SCHIP1: variants seen among roughly 807,000 people sequenced by gnomAD.
SCHIP1 encodes schwannomin-interacting protein 1.
Under a neutral mutation model 29.7 loss-of-function variants are expected in SCHIP1, and 8 were observed. The ratio of observed to expected loss-of-function variants is 0.27; its 90% CI spans 0.16 to 0.49. SCHIP1 has a LOEUF of 0.49. Ranked by LOEUF, SCHIP1 falls within the 20% of genes least tolerant of loss-of-function variation. The pLI is 0.99. For missense variants in SCHIP1, 193 were observed against 294.6 expected (o/e 0.66, Z 2.52); for synonymous variants, 76 against 94.9 (o/e 0.80, Z 1.16).
chr3:159,471,292 G>C, the SCHIP1 span, among the ~76,000 whole-genome samples: 2 of 152,252 alleles, frequency 1.3e-5, no homozygotes, highest in Non-Finnish European at 2.9e-5. Flanking sequence ...AAGAGAAGAT[G>C]TGAGCACAAA....
chr3:159,327,507 G>A, the SCHIP1 span, among the ~76,000 whole-genome samples: 1 of 152,168 alleles, frequency 6.6e-6, no homozygotes, highest in Admixed American at 6.6e-5. Flanking sequence ...GGAGTTAGCA[G>A]GGTTTCTTTA....
the SCHIP1 span, among the ~76,000 whole-genome samples, chr3:159,314,254 T>G: frequency 8.5e-5 from 13 of 152,184 alleles, no homozygotes; most frequent in Non-Finnish European, 1.8e-4. Context: ...TCAGTAATTT[T>G]GTCGTAAGCT....
At chr3:159,342,240 C>A in the SCHIP1 span, among the ~76,000 whole-genome samples, 19 of 152,260 alleles carry the variant, frequency 1.2e-4, no homozygotes, top group African/African-American at 4.3e-4. Context: ...ATCTAGAACT[C>A]TTTTAAAGAA....
chr3:159,308,501 G>A, the SCHIP1 span, among the ~76,000 whole-genome samples: 1 of 152,124 alleles, frequency 6.6e-6, no homozygotes, highest in African/African-American at 2.4e-5. Flanking sequence ...AATCAGAATG[G>A]CCATTATTAA....
At chr3:159,394,493 A>G in the SCHIP1 span, among the ~76,000 whole-genome samples, 2 of 152,212 alleles carry the variant, frequency 1.3e-5, no homozygotes, top group African/African-American at 2.4e-5. Flanking sequence ...GGTCCCATCA[A>G]TACCTAATTT....
At chr3:159,453,591 T>C in the SCHIP1 span, among the ~76,000 whole-genome samples, 1 of 152,218 alleles carries the variant, frequency 6.6e-6, no homozygotes, top group East Asian at 1.9e-4. Flanking sequence ...ACTGTAATTA[T>C]GTCTGTACTG....
At chr3:159,631,875 T>C in the SCHIP1 span, among the ~76,000 whole-genome samples, 1 of 152,124 alleles carries the variant, frequency 6.6e-6, no homozygotes, top group Admixed American at 6.6e-5. Flanking sequence ...AAATGGAACA[T>C]CTCTAAATAT....
At chr3:159,621,850 G>A in the SCHIP1 span, among the ~76,000 whole-genome samples, 1 of 152,094 alleles carries the variant, frequency 6.6e-6, no homozygotes, top group African/African-American at 2.4e-5. Flanking sequence ...ATTGTTAGTA[G>A]AGACGGGGTT....
At chr3:159,717,166 A>G in the SCHIP1 span, among the ~76,000 whole-genome samples, 1 of 152,212 alleles carries the variant, frequency 6.6e-6, no homozygotes, top group African/African-American at 2.4e-5. Flanking sequence ...AGAAATAAAG[A>G]TGTTCTTTGA....
chr3:159,515,124 T>G, the SCHIP1 span, among the ~76,000 whole-genome samples: 1 of 152,132 alleles, frequency 6.6e-6, no homozygotes, highest in Non-Finnish European at 1.5e-5. Flanking sequence ...TGGGATTATT[T>G]TAGTCTCAAA....
the SCHIP1 span, among the ~76,000 whole-genome samples, chr3:159,412,908 C>A: frequency 6.6e-6 from 1 of 152,146 alleles, no homozygotes; most frequent in Non-Finnish European, 1.5e-5. Context: ...AGTCCATTCT[C>A]ACACTGCTAT....
chr3:159,836,622 A>G (rs1743685300), upstream of SCHIP1, among the ~76,000 whole-genome samples: 3 of 152,114 alleles, frequency 2.0e-5, no homozygotes, highest in Non-Finnish European at 4.4e-5. Context: ...CTTGGTTTCC[A>G]TATCTGAACA....
the SCHIP1 span, among the ~76,000 whole-genome samples, chr3:159,686,005 G>A: frequency 1.3e-5 from 2 of 152,194 alleles, no homozygotes; most frequent in African/African-American, 4.8e-5. Flanking sequence ...CTGTGAAACT[G>A]AGCTATGGCT....
the SCHIP1 span, among the ~76,000 whole-genome samples, chr3:159,299,941 T>A: frequency 1.3e-5 from 2 of 152,004 alleles, no homozygotes; most frequent in African/African-American, 4.8e-5. Context: ...TCTGGCTATG[T>A]CATTCCCTCA....
the SCHIP1 span, among the ~76,000 whole-genome samples, chr3:159,788,787 T>C: frequency 2.0e-5 from 3 of 152,216 alleles, no homozygotes; most frequent in Non-Finnish European, 2.9e-5. Context: ...ATATGAACCC[T>C]GTATTTGTCA....
chr3:159,642,923 G>A, the SCHIP1 span, among the ~76,000 whole-genome samples: 9 of 152,112 alleles, frequency 5.9e-5, no homozygotes, highest in East Asian at 7.7e-4. Context: ...ACTGTTCTTG[G>A]GGAATGAGAG....
the SCHIP1 span, among the ~76,000 whole-genome samples, chr3:159,345,967 G>C: frequency 6.6e-6 from 1 of 152,080 alleles, no homozygotes; most frequent in Non-Finnish European, 1.5e-5. Context: ...GCTGAAGGGG[G>C]CAGATCATTT....
At chr3:159,475,699 G>A in the SCHIP1 span, among the ~76,000 whole-genome samples, 1 of 152,098 alleles carries the variant, frequency 6.6e-6, no homozygotes, top group Non-Finnish European at 1.5e-5. Context: ...TAATTTTGGA[G>A]TTTCTTGTAC....
At chr3:159,307,374 T>A in the SCHIP1 span, among the ~76,000 whole-genome samples, 1 of 152,146 alleles carries the variant, frequency 6.6e-6, no homozygotes, top group East Asian at 1.9e-4. Context: ...AGAGTCATTG[T>A]GGGGACTAAA....
Sources: allele counts gnomAD v4.1 joint callset (sites outside exome capture counted in the v4.1 genomes callset), GRCh38; gene constraint gnomAD v4.1.1; transcripts MANE v1.5; gene names NCBI Gene and HGNC (gene_info 2026-07-23, HGNC 2026-07-21).